The following HSPA12A variants were observed in gnomAD, a reference collection of about 807,000 sequenced individuals.
HSPA12A encodes heat shock 70 kDa protein 12A.
Under a neutral mutation model 69.2 loss-of-function variants are expected in HSPA12A, and 28 were observed. The observed-to-expected ratio is 0.40, with a 90% CI of 0.30 to 0.55. The LOEUF (loss-of-function observed/expected upper bound fraction) is 0.55, where lower values mean the gene tolerates loss of function less well. Among genes scored for constraint, HSPA12A ranks in the 20% least tolerant of loss-of-function variants. The pLI, the probability that HSPA12A is intolerant of heterozygous loss-of-function variation, is 0.38. For synonymous variants in HSPA12A, 345 were observed against 370.5 expected (o/e 0.93, Z 0.79); for missense variants, 686 against 900.7 (o/e 0.76, Z 3.05).
chr10:116,764,828 AAAAAAATC>A (rs782609525), intron 2 of HSPA12A, among the ~76,000 whole-genome samples: 18 of 152,212 alleles, frequency 1.2e-4, no homozygotes, highest in Non-Finnish European at 1.5e-4. Context: ...ATAGCCACAC[AAAAAAATC>A]ATTAATTCAA....
At chr10:116,722,421 C>T (rs1554884493) in intron 1 of HSPA12A, among the ~76,000 whole-genome samples, 2 of 152,194 alleles carry the variant, frequency 1.3e-5, no homozygotes, top group South Asian at 2.1e-4. Context: ...CTGCCTCTCG[C>T]TCTCTCTCCA....
intron 2 of HSPA12A, among the ~76,000 whole-genome samples, chr10:116,748,877 G>T (rs957126585): frequency 2.0e-5 from 3 of 152,082 alleles, no homozygotes; most frequent in South Asian, 2.1e-4. Flanking sequence ...ATTTGGGCGG[G>T]GACACAGCCA....
chr10:116,702,122 C>CAGAGAGAG (rs60517749), intron 3 of HSPA12A, among the ~76,000 whole-genome samples: 16 of 149,222 alleles, frequency 1.1e-4, no homozygotes, highest in African/African-American at 4.0e-4. Flanking sequence ...AAAGAAATGA[C>CAGAGAGAG]AGAGAGAGAG....
Position 116,675,489 on chromosome 10 carries a change from G to A in HSPA12A, c.1391-71C>T, listed in dbSNP as rs781802009. The A allele has an allele frequency of 1.4e-6, 2 of 1,459,346 alleles. No individual in the cohort carries two copies. Among genetic ancestry groups the A allele is most frequent in the Admixed American group, 2.5e-5 (1 of 40,464 alleles). The allele number at this position is 1,459,346 out of a possible 1,614,324, so 90.4% of individuals were successfully genotyped here. On this transcript the variant is annotated intron_variant, in intron 11 of 11. Transcript: ENST00000369209. This position sits in a 1 kb window ranked among gnomAD's most constrained non-coding sequence, Gnocchi z 5.2. ...CAAGGAAGGGGGAACTGGGCTGCCTGCATCTGTGGGGAACGGATAAAGCCA... is the reference window on the plus strand; with the variant it reads ...CAAGGAAGGGGGAACTGGGCTGCCTACATCTGTGGGGAACGGATAAAGCCA...
intron 2 of HSPA12A, among the ~76,000 whole-genome samples, chr10:116,800,472 C>A (rs1844931677): frequency 6.6e-6 from 1 of 152,190 alleles, no homozygotes; most frequent in Non-Finnish European, 1.5e-5. Context: ...GGGGTCTCAG[C>A]TCTCCCCGAA....
intron 2 of HSPA12A, among the ~76,000 whole-genome samples, chr10:116,824,026 T>C (rs1845454923): frequency 6.6e-6 from 1 of 152,098 alleles, no homozygotes; most frequent in South Asian, 2.1e-4. Context: ...GAGTTATATC[T>C]AAAATATATA....
Position 116,828,602 on chromosome 10 carries a change from T to C in HSPA12A, c.91+6333A>G, listed in dbSNP as rs369465467. On this transcript the variant is annotated intron_variant, in intron 2 of 12. Coordinates refer to the HSPA12A transcript ENST00000635765. Reference sequence around the variant, plus strand: ...CCAAAGGGAGGACCACCTATGTAATTTGCTGGGCCCAGCATGAAACAAAAA... The same window carrying C: ...CCAAAGGGAGGACCACCTATGTAATCTGCTGGGCCCAGCATGAAACAAAAA... Among the ~76,000 whole-genome samples the C allele has an allele frequency of 1.6e-4, 25 of 152,278 alleles. 3 individuals carry two copies. Among genetic ancestry groups the C allele is most frequent in the Admixed American group, 1.4e-3 (21 of 15,298 alleles).
At chr10:116,749,218 C>CT (rs1554888077) in intron 2 of HSPA12A, among the ~76,000 whole-genome samples, 1 of 152,196 alleles carries the variant, frequency 6.6e-6, no homozygotes, top group Non-Finnish European at 1.5e-5. Context: ...CTTTAAATGG[C>CT]TTTAAAGTCA....
At chr10:116,690,624 A>G (rs1554880038) in intron 6 of HSPA12A, among the ~76,000 whole-genome samples, 1 of 152,114 alleles carries the variant, frequency 6.6e-6, no homozygotes, top group Non-Finnish European at 1.5e-5. Flanking sequence ...TCCTCACCCA[A>G]GAGCTGCAGG....
intron 2 of HSPA12A, among the ~76,000 whole-genome samples, chr10:116,755,918 G>A (rs950635721): frequency 2.0e-5 from 3 of 152,056 alleles, no homozygotes; most frequent in Non-Finnish European, 2.9e-5. Flanking sequence ...CTGAGCCTGG[G>A]GAGGTTGAGG....
chr10:116,755,284 G>A (rs1418584811), intron 2 of HSPA12A, among the ~76,000 whole-genome samples: 1 of 151,996 alleles, frequency 6.6e-6, no homozygotes, highest in African/African-American at 2.4e-5. Context: ...TAATTGATGC[G>A]AGGAGTACAA....
At chr10:116,726,527 C>G (rs10886006) in intron 1 of HSPA12A, among the ~76,000 whole-genome samples, 37,797 of 151,912 alleles carry the variant, frequency 0.25, 5,409 homozygotes, top group Middle Eastern at 0.4. Flanking sequence ...CCTACCACCC[C>G]CCTTGTGAGT....
chr10:116,823,405 A>G lies in HSPA12A; in HGVS notation c.91+11530T>C, dbSNP rs531998596. 9.8e-5 allele frequency among the ~76,000 whole-genome samples: 15 copies of G among 152,332 alleles called. 1 individual carries two copies. The South Asian group carries it at 2.3e-3, about 23-fold the overall frequency. ...TCTACAGTCTCAACATGATCCCTGCATTCACAAAGAAATGCAAGGGACACA... is the reference window on the plus strand; with the variant it reads ...TCTACAGTCTCAACATGATCCCTGCGTTCACAAAGAAATGCAAGGGACACA... On this transcript the variant is annotated intron_variant, in intron 2 of 12. Transcript: ENST00000635765.
At chr10:116,830,046 C>A (rs1845584263) in intron 2 of HSPA12A, 1 of 152,232 alleles carries the variant, frequency 6.6e-6, no homozygotes, top group South Asian at 2.1e-4. Flanking sequence ...CCTCCACAGA[C>A]TGAATGATGG....
chr10:116,776,252 G>A (rs1268872181), intron 2 of HSPA12A, among the ~76,000 whole-genome samples: 2 of 152,190 alleles, frequency 1.3e-5, no homozygotes, highest in African/African-American at 2.4e-5. Flanking sequence ...AGGTCCGTCC[G>A]CCTGGACGCC....
intron 1 of HSPA12A, chr10:116,707,958 A>T (rs1589648550): frequency 6.5e-6 from 1 of 153,454 alleles, no homozygotes. Flanking sequence ...TGCAGATGGG[A>T]CCCAACAGCC....
At chr10:116,716,033 G>A (rs1850592604) in intron 1 of HSPA12A, among the ~76,000 whole-genome samples, 1 of 152,140 alleles carries the variant, frequency 6.6e-6, no homozygotes, top group Non-Finnish European at 1.5e-5. Context: ...GCCACCAGCT[G>A]AGCAGCTCCC....
chr10:116,823,144 G>A (rs1194152776), intron 2 of HSPA12A, among the ~76,000 whole-genome samples: 3 of 152,166 alleles, frequency 2.0e-5, no homozygotes, highest in Admixed American at 6.5e-5. Flanking sequence ...CAGGGACCAC[G>A]TTTTAAAAGG....
chr10:116,692,537 C>T lies in HSPA12A; in HGVS notation c.547-70G>A, dbSNP rs535504175. ...TTCCTGGAGCAGCCTCCTGTGGCTT[C>T]ACTGAACCCAGGCTTCCTGCCATGA... is the stretch of plus-strand genomic sequence containing the variant. On this transcript the variant is annotated intron_variant, in intron 5 of 11. Coordinates refer to ENST00000369209, the MANE Select transcript of HSPA12A (RefSeq NM_025015.3). 3 of 1,169,392 alleles carry T rather than the reference C, an allele frequency of 2.6e-6. No individual in the cohort carries two copies. The African/African-American group carries it at 4.5e-5, about 18-fold the overall frequency. 72.4% of individuals were successfully genotyped at this position (1,169,392 alleles called of 1,614,324 possible).
Sources: gnomAD v4.1 joint callset for allele counts (sites outside exome capture counted in the v4.1 genomes callset) on GRCh38, gnomAD v4.1.1 for gene constraint, Gnocchi (gnomAD v3.1) non-coding constraint, MANE v1.5 for transcripts, NCBI Gene and HGNC (gene_info 2026-07-23, HGNC 2026-07-21) for gene names.